RAB23: variants seen among roughly 807,000 people sequenced by gnomAD.
RAB23 encodes the protein ras-related protein Rab-23.
A neutral mutation model predicts 30.0 loss-of-function variants in RAB23; 15 were observed. The observed-to-expected ratio is 0.50, with a 90% CI of 0.33 to 0.77. The LOEUF is 0.77. Among genes scored for constraint, RAB23 ranks in the 30% least tolerant of loss-of-function variants. The pLI, the probability that RAB23 is intolerant of heterozygous loss-of-function variation, is 0.02. For missense variants in RAB23, 243 were observed against 275.4 expected, an observed-to-expected ratio of 0.88 and a Z score of 0.83; for synonymous variants, 93 against 94.0, an observed-to-expected ratio of 0.99 and a Z score of 0.06.
intron 1 of RAB23, among the ~76,000 whole-genome samples, chr6:57,218,194 G>C (rs539123008): frequency 1.3e-5 from 2 of 152,202 alleles, no homozygotes; most frequent in African/African-American, 4.8e-5. Flanking sequence ...TAGAGACGAG[G>C]AAACACTTCC....
At chr6:57,217,893 A>G (rs72868631) in intron 1 of RAB23, among the ~76,000 whole-genome samples, 29 of 152,300 alleles carry the variant, frequency 1.9e-4, no homozygotes, top group Non-Finnish European at 3.7e-4. Flanking sequence ...AATACCGGGA[A>G]TAAAATAGGG....
intron 3 of RAB23, among the ~76,000 whole-genome samples, chr6:57,204,450 A>G (rs887606996): frequency 6.6e-6 from 1 of 152,202 alleles, no homozygotes; most frequent in East Asian, 1.9e-4. Context: ...CATTGTATAC[A>G]TAACTATTAT....
chr6:57,203,000 G>GT (rs1170559704), intron 3 of RAB23, among the ~76,000 whole-genome samples: 6,924 of 82,436 alleles, frequency 0.084, 962 homozygotes, highest in Non-Finnish European at 0.11. Context: ...AAGATAGGCT[G>GT]TTTTTTTTTT....
intron 4 of RAB23, 81 bp downstream of exon 4, chr6:57,196,369 A>G: frequency 6.6e-7 from 1 of 1,524,386 alleles, no homozygotes; most frequent in South Asian, 1.1e-5. Context: ...TTTTCCTAGA[A>G]CCTGTAAAAC....
chr6:57,211,769 C>G (rs906798924), intron 1 of RAB23, among the ~76,000 whole-genome samples: 2 of 152,206 alleles, frequency 1.3e-5, no homozygotes, highest in Non-Finnish European at 2.9e-5. Flanking sequence ...AGAATGGGCA[C>G]TTTGCATTTT....
At chr6:57,197,107 GA>G (rs1270020060) in intron 3 of RAB23, among the ~76,000 whole-genome samples, 2 of 151,850 alleles carry the variant, frequency 1.3e-5, no homozygotes, top group African/African-American at 2.4e-5. Context: ...AAATTTATGA[GA>G]AAAAAATCAT....
At chr6:57,221,611 T>A (rs1766062868) in intron 1 of RAB23, 115 bp downstream of exon 1, 1 of 152,376 alleles carries the variant, frequency 6.6e-6, no homozygotes, top group South Asian at 2.1e-4. Context: ...GGTCGCCCCT[T>A]CCCCAGTCGG....
intron 2 of RAB23, among the ~76,000 whole-genome samples, chr6:57,208,626 CAAAA>C (rs1168854982): frequency 2.1e-5 from 1 of 46,918 alleles, no homozygotes; most frequent in Non-Finnish European, 4.0e-5. Flanking sequence ...GACTCTGTCT[CAAAA>C]AAAAAAAAAA....
At position 57,188,898 on chromosome 6, in the gene RAB23, A is replaced by AG. The variant is rs1764721067; in HGVS notation, c.*1562dup. On this transcript the variant is annotated 3_prime_UTR_variant, in exon 7 of 7. Coordinates refer to ENST00000468148, the MANE Select transcript of RAB23 (RefSeq NM_016277.5). ...TGATTTTCTCAACATTAGGAGGATG[A>AG]GGGGAGTACAGATGGAAAAACAAAA... 6.6e-6 allele frequency: 1 copy of AG among 152,204 alleles called. No homozygotes were observed. The highest frequency in any genetic ancestry group is 1.5e-5 in the Non-Finnish European group (1 of 68,014). 9.4% of individuals were successfully genotyped at this position (152,204 alleles called of 1,614,324 possible). A position where few individuals can be genotyped will look rare whatever the true frequency, so the allele number is the denominator to read the frequency against.
chr6:57,200,398 G>A (rs1765204380), intron 3 of RAB23, among the ~76,000 whole-genome samples: 1 of 151,622 alleles, frequency 6.6e-6, no homozygotes, highest in Non-Finnish European at 1.5e-5. Flanking sequence ...TTAGCTGGGT[G>A]TGGTGGTGGG....
At chr6:57,213,802 T>C (rs1765740005) in intron 1 of RAB23, among the ~76,000 whole-genome samples, 1 of 151,996 alleles carries the variant, frequency 6.6e-6, no homozygotes, top group African/African-American at 2.4e-5. Context: ...CCAGGAAATA[T>C]CACCACCAAC....
In RAB23 at chr6:57,189,198, AAAG is replaced by A. The variant is rs1764734329; in HGVS notation, c.*1260_*1262del. The A allele has an allele frequency of 6.6e-6, 1 of 152,158 alleles. No homozygotes were observed. Among genetic ancestry groups the A allele is most frequent in the African/African-American group, 2.4e-5 (1 of 41,408 alleles). 9.4% of individuals were successfully genotyped at this position (152,158 alleles called of 1,614,324 possible). ...TGATTACATATTAAATCATTTTGTA[AAAG>A]AAATGATTCTGTATGTGGGACTGAC... On this transcript the variant is annotated 3_prime_UTR_variant, in exon 7 of 7. Transcript: ENST00000468148.
At chr6:57,191,286 T>C (rs937482960) in intron 6 of RAB23, among the ~76,000 whole-genome samples, 1 of 152,160 alleles carries the variant, frequency 6.6e-6, no homozygotes, top group Admixed American at 6.5e-5. Context: ...ACGCATGTTA[T>C]TACTTTTCCT....
At position 57,188,479 on chromosome 6, in the gene RAB23, A is replaced by AAAAG. The variant is rs1764698080; in HGVS notation, c.*1978_*1981dup. The AAAAG allele has an allele frequency of 6.6e-6, 1 of 152,196 alleles. No individual in the cohort carries two copies. The highest frequency in any genetic ancestry group is 2.4e-5 in the African/African-American group (1 of 41,460). 9.4% of individuals were successfully genotyped at this position (152,196 alleles called of 1,614,324 possible). ...GCTTTTAGCCACACAGCTAACATGAAAAAGAACTAACTAGAACACATATAA... is the reference window on the plus strand; with the variant it reads ...GCTTTTAGCCACACAGCTAACATGAAAAAGAAAGAACTAACTAGAACACATATAA... On this transcript the variant is annotated 3_prime_UTR_variant, in exon 7 of 7. Transcript: ENST00000468148.
intron 3 of RAB23, among the ~76,000 whole-genome samples, chr6:57,198,385 G>T (rs1436076440): frequency 1.3e-5 from 2 of 152,090 alleles, no homozygotes; most frequent in African/African-American, 4.8e-5. Flanking sequence ...GTGGTGGCGG[G>T]TGCCTGTAGT....
At position 57,207,742 on chromosome 6, in the gene RAB23, T is replaced by C. The variant is rs1043394801; in HGVS notation, c.156-29A>G. On this transcript the variant is annotated intron_variant, in intron 2 of 6. Coordinates refer to ENST00000468148, the MANE Select transcript of RAB23 (RefSeq NM_016277.5). ...AAACAAGAGATGAATTTATTTCATA[T>C]GTAAAGGAAAATGTTTTTGGTAATA... 4.9e-6 allele frequency: 7 copies of C among 1,436,190 alleles called. No homozygotes were observed. In the Admixed American group the frequency reaches 8.6e-5, roughly 18 times the overall value. 89.0% of individuals were successfully genotyped at this position (1,436,190 alleles called of 1,614,324 possible).
chr6:57,212,271 TC>T (rs2076045123), intron 1 of RAB23, among the ~76,000 whole-genome samples: 1 of 152,180 alleles, frequency 6.6e-6, no homozygotes, highest in South Asian at 2.1e-4. Context: ...ACAACATGGA[TC>T]CTCTTTGGTC....
At chr6:57,197,546 G>A (rs1166247554) in intron 3 of RAB23, among the ~76,000 whole-genome samples, 1 of 152,094 alleles carries the variant, frequency 6.6e-6, no homozygotes, top group African/African-American at 2.4e-5. Context: ...TGGTATAAGA[G>A]TTTTCTACTA....
rs1766072347 is a variant in RAB23, at chr6:57,221,811, G to GA, written c.-152dup. The GA allele has an allele frequency of 6.6e-6, 1 of 152,426 alleles. No homozygotes were observed. The highest frequency in any genetic ancestry group is 2.4e-5 in the African/African-American group (1 of 41,468). 9.4% of individuals were successfully genotyped at this position (152,426 alleles called of 1,614,324 possible). ...TTGGGATCGGTGCTCAGGGAGGGGA[G>GA]AGCCGGCGCTCGGCGGTCCGAACCG... On this transcript the variant is annotated 5_prime_UTR_variant, in exon 1 of 7. Transcript: ENST00000468148.
Sources: gnomAD v4.1 joint callset for allele counts (sites outside exome capture counted in the v4.1 genomes callset) on GRCh38, gnomAD v4.1.1 for gene constraint, MANE v1.5 for transcripts, NCBI Gene and HGNC (gene_info 2026-07-23, HGNC 2026-07-21) for gene names.